Variants in DDX10 observed in about 807,000 individuals in gnomAD.
DDX10 encodes probable ATP-dependent RNA helicase DDX10.
A neutral mutation model predicts 104.3 loss-of-function variants in DDX10; 74 were observed. The ratio of observed to expected loss-of-function variants is 0.71; its 90% CI spans 0.59 to 0.86. The LOEUF is 0.86. DDX10 is among the 40% of genes least tolerant of loss of function. The probability of loss-of-function intolerance (pLI) is 0.00; values close to 1 mark genes in which losing one functional copy is unlikely to be tolerated. For synonymous variants in DDX10, 351 were observed against 353.4 expected, an observed-to-expected ratio of 0.99 and a Z score of 0.08; for missense variants, 952 against 1,040.0, an observed-to-expected ratio of 0.92 and a Z score of 1.16.
intron 16 of DDX10, among the ~76,000 whole-genome samples, chr11:108,880,928 A>C (rs1863219646): frequency 6.6e-6 from 1 of 152,124 alleles, no homozygotes; most frequent in African/African-American, 2.4e-5. Context: ...GCATTTTTAC[A>C]TTGTTCTCTC....
chr11:108,797,485 A>G (rs915809449), intron 13 of DDX10, among the ~76,000 whole-genome samples: 12 of 152,228 alleles, frequency 7.9e-5, no homozygotes, highest in Non-Finnish European at 1.2e-4. Context: ...AAAGGAATCC[A>G]CACTAAGATA....
At chr11:108,818,409 T>C (rs1362942750) in intron 13 of DDX10, among the ~76,000 whole-genome samples, 1 of 152,194 alleles carries the variant, frequency 6.6e-6, no homozygotes, top group Non-Finnish European at 1.5e-5. Flanking sequence ...TTATAGGAAG[T>C]TTTGACATTT....
Position 108,715,923 on chromosome 11 carries a change from C to G in DDX10, c.1367C>G (p.Ser456Cys), listed in dbSNP as rs754509753. The change falls in exon 11 of 18, where the codon TCT becomes TGT. Residue 456 changes from serine to cysteine, a missense_variant. Ser to Cys is a moderately radical substitution (Grantham distance 112, BLOSUM62 -1). This residue lies in a region of DDX10 where 533 missense variants were observed against 534.1 expected (regional missense o/e 1.00). Transcript: ENST00000322536. ...KLIDVQKKLE[S>C]ILAQDQDLKE... ...ATAGATGTCCAGAAAAAATTGGAAT[C>G]TATTTTAGCTCAAGATCAAGATTTA... The G allele has an allele frequency of 3.2e-6, 5 of 1,567,976 alleles. No homozygotes were observed. In the South Asian group the frequency reaches 3.4e-5, roughly 11 times the overall value.
chr11:108,918,782 C>G (rs75318876), intron 17 of DDX10: 118 of 152,268 alleles, frequency 7.7e-4, no homozygotes, highest in African/African-American at 2.7e-3. Context: ...GACTTGCTCA[C>G]CATTTGTTTT....
chr11:108,732,300 G>A (rs912447593), intron 13 of DDX10, among the ~76,000 whole-genome samples: 1 of 152,144 alleles, frequency 6.6e-6, no homozygotes, highest in Non-Finnish European at 1.5e-5. Flanking sequence ...ACTTGTCCAA[G>A]GTCACAGTGG....
chr11:108,905,312 A>AG (rs35966996), intron 16 of DDX10, among the ~76,000 whole-genome samples: 15,879 of 106,116 alleles, frequency 0.15, 1,370 homozygotes, highest in East Asian at 0.25. Flanking sequence ...AGATTGTTTA[A>AG]GGGGGGGGGG....
chr11:108,878,539 T>G (rs1285186628), intron 16 of DDX10, among the ~76,000 whole-genome samples: 1 of 152,254 alleles, frequency 6.6e-6, no homozygotes. Flanking sequence ...AATTAAATTA[T>G]GATTATTTAA....
intron 16 of DDX10, among the ~76,000 whole-genome samples, chr11:108,857,183 CT>C (rs1013597335): frequency 8.6e-5 from 13 of 151,824 alleles, no homozygotes; most frequent in African/African-American, 2.9e-4. Flanking sequence ...CTGTATGTTG[CT>C]TTTTTTTCTT....
chr11:108,845,024 A>G (rs921034013), intron 15 of DDX10, among the ~76,000 whole-genome samples: 1 of 151,844 alleles, frequency 6.6e-6, no homozygotes, highest in Non-Finnish European at 1.5e-5. Context: ...GTGAAACCCC[A>G]TCTCTACTAA....
At chr11:108,752,162 G>A (rs1009336102) in intron 13 of DDX10, among the ~76,000 whole-genome samples, 1 of 152,098 alleles carries the variant, frequency 6.6e-6, no homozygotes, top group African/African-American at 2.4e-5. Flanking sequence ...GTGAAGTTAC[G>A]TCTTGAGGAT....
At position 108,799,530 on chromosome 11, in the gene DDX10, T is replaced by A. The variant is rs143740513; in HGVS notation, c.1966-38916T>A. ...ATTTGAGTGACTGTTTTCTTAGTTT[T>A]CCCAAGGTTGGTACATGAATGTTAA... On this transcript the variant is annotated intron_variant, in intron 13 of 17. Coordinates refer to ENST00000322536, the MANE Select transcript of DDX10 (RefSeq NM_004398.4). 3.9e-3 allele frequency among the ~76,000 whole-genome samples: 593 copies of A among 152,334 alleles called. 7 individuals are homozygous for A. The highest frequency in any genetic ancestry group is 0.014 in the African/African-American group (567 of 41,572).
At chr11:108,695,325 G>A (rs1387368131) in intron 9 of DDX10, among the ~76,000 whole-genome samples, 1 of 152,154 alleles carries the variant, frequency 6.6e-6, no homozygotes, top group African/African-American at 2.4e-5. Flanking sequence ...CTGGATGATT[G>A]GGTATTTATC....
At position 108,940,431 on chromosome 11, in the gene DDX10, C is replaced by G. The variant is rs1864094042; in HGVS notation, c.*8C>G. ...CTAAGAAGTCAAAGCTAAATACTTC[C>G]TGCGCCTGCCTTCTCCTTGAAACCT... On this transcript the variant is annotated 3_prime_UTR_variant, in exon 18 of 18. Transcript: ENST00000322536. The G allele has an allele frequency of 6.2e-7, 1 of 1,609,718 alleles. No homozygotes were observed. Among genetic ancestry groups the G allele is most frequent in the African/African-American group, 1.3e-5 (1 of 74,716 alleles).
intron 13 of DDX10, among the ~76,000 whole-genome samples, chr11:108,764,864 T>C (rs866629564): frequency 1.3e-5 from 2 of 152,160 alleles, no homozygotes; most frequent in Non-Finnish European, 2.9e-5. Context: ...ACGACTTGAA[T>C]TGTCATCTGT....
At chr11:108,861,342 A>G (rs1043653748) in intron 16 of DDX10, among the ~76,000 whole-genome samples, 1 of 152,084 alleles carries the variant, frequency 6.6e-6, no homozygotes, top group African/African-American at 2.4e-5. Flanking sequence ...CTCTAAGTCC[A>G]TTCTTGGCGT....
At chr11:108,671,826 G>T (rs1387363195) in intron 1 of DDX10, among the ~76,000 whole-genome samples, 3 of 152,000 alleles carry the variant, frequency 2.0e-5, no homozygotes, top group Admixed American at 6.6e-5. Context: ...TTGGGAAGCC[G>T]AGGCGGGTGG....
At chr11:108,805,256 A>G (rs1262182771) in intron 13 of DDX10, among the ~76,000 whole-genome samples, 3 of 152,264 alleles carry the variant, frequency 2.0e-5, no homozygotes, top group Non-Finnish European at 4.4e-5. Context: ...ATCTCATGAG[A>G]CTAAGCAGTT....
intron 13 of DDX10, among the ~76,000 whole-genome samples, chr11:108,801,647 T>C (rs1362527556): frequency 6.6e-6 from 1 of 152,212 alleles, no homozygotes; most frequent in East Asian, 1.9e-4. Context: ...TCCCCTGTTC[T>C]TCATAAAGAA....
intron 17 of DDX10, among the ~76,000 whole-genome samples, chr11:108,924,379 T>G (rs968109589): frequency 2.0e-5 from 3 of 152,206 alleles, no homozygotes; most frequent in Non-Finnish European, 4.4e-5. Context: ...GTACTGAGGC[T>G]ATTGTCCTCA....
Sources: allele counts gnomAD v4.1 joint callset (sites outside exome capture counted in the v4.1 genomes callset), GRCh38; gene constraint gnomAD v4.1.1; regional missense constraint gnomAD v4.1.1; transcripts MANE v1.5; gene names NCBI Gene and HGNC (gene_info 2026-07-23, HGNC 2026-07-21).